Variants in FSTL5 observed in about 807,000 individuals in gnomAD.
FSTL5 encodes the protein follistatin like 5.
FSTL5 carries 62 observed loss-of-function variants against 89.1 expected under a neutral mutation model. That is an observed-to-expected ratio of 0.70 (90% CI 0.57 to 0.86). FSTL5 has a LOEUF of 0.86. Among genes scored for constraint, FSTL5 ranks in the 40% least tolerant of loss-of-function variants. The pLI is 0.00. For missense variants in FSTL5, 1,057 were observed against 1,001.6 expected (o/e 1.06, Z -0.75); for synonymous variants, 383 against 346.2 (o/e 1.11, Z -1.18).
chr4:161,879,946 C>G (rs977953731), intron 4 of FSTL5, among the ~76,000 whole-genome samples: 7 of 152,296 alleles, frequency 4.6e-5, no homozygotes, highest in African/African-American at 1.7e-4. Flanking sequence ...ACCTGATTCT[C>G]TGATGTTAAT....
At chr4:161,851,520 C>T (rs1731548721) in intron 4 of FSTL5, among the ~76,000 whole-genome samples, 1 of 151,940 alleles carries the variant, frequency 6.6e-6, no homozygotes, top group African/African-American at 2.4e-5. Flanking sequence ...AAGTATGTGT[C>T]TATATACACT....
Position 161,587,168 on chromosome 4 carries a change from T to C in FSTL5, c.1015+287A>G, listed in dbSNP as rs151071274. On this transcript the variant is annotated intron_variant, in intron 8 of 15. Transcript: ENST00000306100. ...TCTAAAATTTATGCTTGCCTAATTG[T>C]TAATATTCTAAACGAAAAAATAATG... is the stretch of plus-strand genomic sequence containing the variant. 1.1e-3 allele frequency among the ~76,000 whole-genome samples: 162 copies of C among 152,248 alleles called. 1 individual carries two copies. Among genetic ancestry groups the C allele is most frequent in the African/African-American group, 3.7e-3 (153 of 41,568 alleles).
chr4:161,572,311 C>A (rs1459106187), intron 8 of FSTL5, among the ~76,000 whole-genome samples: 7 of 109,072 alleles, frequency 6.4e-5, no homozygotes. Context: ...TAGAGTGAGA[C>A]TCCGTCTAAA....
chr4:161,823,917 T>C (rs759903216), intron 4 of FSTL5, among the ~76,000 whole-genome samples: 1 of 152,234 alleles, frequency 6.6e-6, no homozygotes, highest in Non-Finnish European at 1.5e-5. Flanking sequence ...TACTAGTCCT[T>C]TGTCAGATAT....
rs143953610 is a variant in FSTL5 at position 161,830,177 on chromosome 4, A to C, written c.410-54103T>G. Among the ~76,000 whole-genome samples the C allele has an allele frequency of 5.3e-5, 8 of 152,190 alleles. No homozygotes were observed. The East Asian group carries it at 1.5e-3, about 29-fold the overall frequency. On this transcript the variant is annotated intron_variant, in intron 4 of 15. Coordinates refer to ENST00000306100, the MANE Select transcript of FSTL5 (RefSeq NM_020116.5). ...CTTAAGGTCTTCACTTATGGTATAC[A>C]AAACAATTGGTCCATCACTATCAGA...
intron 6 of FSTL5, among the ~76,000 whole-genome samples, chr4:161,712,428 T>C (rs1376781653): frequency 6.6e-6 from 1 of 152,180 alleles, no homozygotes; most frequent in Non-Finnish European, 1.5e-5. Flanking sequence ...CTCCCAGTAG[T>C]GACTCTGTTA....
At chr4:162,017,742 A>C (rs1484612201) in intron 3 of FSTL5, among the ~76,000 whole-genome samples, 1 of 152,182 alleles carries the variant, frequency 6.6e-6, no homozygotes, top group East Asian at 1.9e-4. Context: ...ACTTTCTCCT[A>C]ATATATAAAG....
intron 1 of FSTL5, among the ~76,000 whole-genome samples, chr4:162,131,866 A>G (rs1732314050): frequency 6.6e-6 from 1 of 152,202 alleles, no homozygotes; most frequent in Non-Finnish European, 1.5e-5. Context: ...TTTGGCAGGC[A>G]AGAAAATTAT....
intron 1 of FSTL5, among the ~76,000 whole-genome samples, chr4:162,118,257 C>A (rs970918071): frequency 2.8e-4 from 27 of 98,024 alleles, no homozygotes; most frequent in African/African-American, 1.1e-3. Context: ...AAAAAGCATT[C>A]TCCAAAGAGT....
intron 2 of FSTL5, among the ~76,000 whole-genome samples, chr4:162,033,921 C>G (rs1208921390): frequency 1.3e-5 from 2 of 152,128 alleles, no homozygotes; most frequent in East Asian, 3.9e-4. Flanking sequence ...ACCTCAGCCT[C>G]TCAAGTAGCT....
chr4:161,539,429 G>A (rs1421881415), intron 9 of FSTL5, among the ~76,000 whole-genome samples: 1 of 152,122 alleles, frequency 6.6e-6, no homozygotes, highest in African/African-American at 2.4e-5. Context: ...GTGGATGTTT[G>A]AGAGACATAA....
At chr4:161,538,541 A>G (rs1235974202) in intron 9 of FSTL5, among the ~76,000 whole-genome samples, 1 of 151,962 alleles carries the variant, frequency 6.6e-6, no homozygotes, top group Non-Finnish European at 1.5e-5. Context: ...GTTTTGTATC[A>G]TTTTCTATAT....
At chr4:161,564,807 G>A (rs1293686931) in intron 8 of FSTL5, among the ~76,000 whole-genome samples, 3 of 151,606 alleles carry the variant, frequency 2.0e-5, no homozygotes, top group Non-Finnish European at 4.4e-5. Context: ...TTATCACTAG[G>A]TGTTCTGCTT....
At chr4:161,499,943 T>C in intron 12 of FSTL5, 73 bp downstream of exon 12, 1 of 847,296 alleles carries the variant, frequency 1.2e-6, no homozygotes, top group Non-Finnish European at 2.0e-6. Flanking sequence ...TAGGTTTTGT[T>C]ATATTTCCAA....
Position 161,481,059 on chromosome 4 carries a change from T to C in FSTL5, c.1569A>G (p.Arg523=), listed in dbSNP as rs1457727364. The change falls in exon 13 of 16, where the codon AGA becomes AGG. Residue 523 remains arginine (R), a synonymous_variant. Coordinates refer to ENST00000306100, the MANE Select transcript of FSTL5 (RefSeq NM_020116.5). ...FIYVAQPTLD[R]VLIVDVQSQK... is the part of the protein sequence containing the mutation. The stretch of plus-strand genomic sequence containing the variant: ...GGGACTGCACATCAACAATAAGGAC[T>C]CTGTCCAAAGTTGGCTGTGCAACAT... The C allele has an allele frequency of 1.9e-6, 3 of 1,612,604 alleles. No individual in the cohort carries two copies. The highest frequency in any genetic ancestry group is 2.5e-6 in the Non-Finnish European group (3 of 1,179,192).
At chr4:161,873,830 TCAC>T (rs1177016925) in intron 4 of FSTL5, among the ~76,000 whole-genome samples, 6 of 152,026 alleles carry the variant, frequency 3.9e-5, no homozygotes, top group Admixed American at 6.6e-5. Flanking sequence ...TTTTTGTTGT[TCAC>T]CACTTTTTTG....
At chr4:161,621,607 AT>A (rs1735126032) in intron 7 of FSTL5, among the ~76,000 whole-genome samples, 1 of 152,074 alleles carries the variant, frequency 6.6e-6, no homozygotes, top group South Asian at 2.1e-4. Context: ...ACAAAGCAAA[AT>A]TTATTTACTT....
chr4:161,848,480 T>TAAAC (rs1443565824), intron 4 of FSTL5, among the ~76,000 whole-genome samples: 2 of 152,226 alleles, frequency 1.3e-5, no homozygotes, highest in Non-Finnish European at 2.9e-5. Flanking sequence ...AAGATGTTGA[T>TAAAC]AAACAGTGCT....
intron 1 of FSTL5, among the ~76,000 whole-genome samples, chr4:162,153,087 GATAATC>G: frequency 6.6e-6 from 1 of 152,162 alleles, no homozygotes; most frequent in Non-Finnish European, 1.5e-5. Flanking sequence ...ATCAATACTT[GATAATC>G]ATAAACTTCT....
Sources: gnomAD v4.1 joint callset for allele counts (sites outside exome capture counted in the v4.1 genomes callset) on GRCh38, gnomAD v4.1.1 for gene constraint, MANE v1.5 for transcripts, NCBI Gene and HGNC (gene_info 2026-07-23, HGNC 2026-07-21) for gene names.